Variants in CAMK1G observed in about 807,000 individuals in gnomAD.
CAMK1G encodes the protein calcium/calmodulin dependent protein kinase IG.
A neutral mutation model predicts 54.8 loss-of-function variants in CAMK1G; 27 were observed. The ratio of observed to expected loss-of-function variants is 0.49; its 90% CI spans 0.36 to 0.68. The LOEUF (loss-of-function observed/expected upper bound fraction) is 0.68. CAMK1G is among the 30% of genes least tolerant of loss of function. The pLI is 0.00. For missense variants in CAMK1G, 512 were observed against 591.0 expected (o/e 0.87, Z 1.39); for synonymous variants, 238 against 224.9 (o/e 1.06, Z -0.52).
At chr1:209,599,476 G>A (rs539930625) in intron 2 of CAMK1G, among the ~76,000 whole-genome samples, 1 of 152,314 alleles carries the variant, frequency 6.6e-6, no homozygotes, top group East Asian at 1.9e-4. Context: ...GATGTAGAAA[G>A]ATGATTCTTT....
intron 1 of CAMK1G, among the ~76,000 whole-genome samples, chr1:209,590,831 G>A (rs549533465): frequency 1.1e-4 from 16 of 152,296 alleles, no homozygotes; most frequent in Middle Eastern, 3.4e-3. Context: ...CTTACCAGCA[G>A]CAGTGTATCC....
At chr1:209,604,255 C>A (rs189130480) in intron 4 of CAMK1G, among the ~76,000 whole-genome samples, 1 of 152,278 alleles carries the variant, frequency 6.6e-6, no homozygotes, top group Admixed American at 6.5e-5. Context: ...GTGGAAAGGG[C>A]CCCTAGTGGC....
intron 2 of CAMK1G, among the ~76,000 whole-genome samples, chr1:209,597,966 G>A (rs1375467499): frequency 1.3e-5 from 2 of 152,154 alleles, no homozygotes; most frequent in African/African-American, 2.4e-5. Flanking sequence ...CATATATCAA[G>A]TCATTTAATC....
chr1:209,612,358 G>A (rs1665804851), intron 11 of CAMK1G, 142 bp downstream of exon 11: 9 of 861,762 alleles, frequency 1.0e-5, no homozygotes, highest in Admixed American at 2.8e-5. Context: ...GAGGGGGCAA[G>A]GAAAATGCTT....
At position 209,612,310 on chromosome 1, in the gene CAMK1G, C is replaced by T. The variant is rs886536050; in HGVS notation, c.1340+94C>T. On this transcript the variant is annotated intron_variant, in intron 11 of 12. Coordinates refer to ENST00000361322, the MANE Select transcript of CAMK1G (RefSeq NM_020439.3). ...GAAATGGACACAAAGGCCTCTCCCA[C>T]TCATAGGCAGCTATATAGGGAGGGA... The T allele has an allele frequency of 1.6e-5, 21 of 1,350,774 alleles. No individual in the cohort carries two copies. In the Middle Eastern group the frequency reaches 5.8e-4, roughly 37 times the overall value. The allele number at this position is 1,350,774 out of a possible 1,614,324, so 83.7% of individuals were successfully genotyped here.
rs1174663356 is a variant in CAMK1G, at chr1:209,605,614, G to T, written c.375G>T (p.Gln125His). ...AGAAGGATGCCAGTCTGGTGATCCAGCAGGTCTTGTCGGCAGTGAAATACC... is the reference window on the plus strand; with the variant it reads ...AGAAGGATGCCAGTCTGGTGATCCATCAGGTCTTGTCGGCAGTGAAATACC... ...YTEKDASLVI[Q>H]QVLSAVKYLH... Residue 125 changes from glutamine (Q) to histidine (H), a missense_variant, in exon 5 of 13, where the codon CAG becomes CAT. This residue lies in a region of CAMK1G where 186 missense variants were observed against 231.5 expected (regional missense o/e 0.80). Transcript: ENST00000361322. 1 of 1,614,166 alleles carries T rather than the reference G, an allele frequency of 6.2e-7. No individual in the cohort carries two copies. The highest frequency in any genetic ancestry group is 2.2e-5 in the East Asian group (1 of 44,878).
intron 9 of CAMK1G, among the ~76,000 whole-genome samples, 163 bp downstream of exon 9, chr1:209,610,092 A>C (rs1259364178): frequency 2.6e-5 from 4 of 152,186 alleles, no homozygotes; most frequent in Non-Finnish European, 5.9e-5. Context: ...GTAGAGATTC[A>C]AACATTATAC....
At chr1:209,584,838 A>C (rs57163675) in intron 1 of CAMK1G, among the ~76,000 whole-genome samples, 2,608 of 152,302 alleles carry the variant, frequency 0.017, 95 homozygotes, top group African/African-American at 0.06. Flanking sequence ...GCTTAACCAG[A>C]ACCAAAGATG....
At position 209,594,974 on chromosome 1, in the gene CAMK1G, T is replaced by C. The variant is rs1369882800; in HGVS notation, c.-10T>C. 3 of 1,613,208 alleles carry C rather than the reference T, an allele frequency of 1.9e-6. No homozygotes were observed. The highest frequency in any genetic ancestry group is 3.3e-5 in the Admixed American group (2 of 59,928). ...ATAAAGCATCCTCAGAAGCTTCAAC[T>C]CTGGAGGCAATGGGTCGAAAGGAAG... On this transcript the variant is annotated 5_prime_UTR_variant, in exon 2 of 13. Coordinates refer to ENST00000361322, the MANE Select transcript of CAMK1G (RefSeq NM_020439.3).
Position 209,610,366 on chromosome 1 carries a change from A to T in CAMK1G, c.827+437A>T, listed in dbSNP as rs1356233331. On this transcript the variant is annotated intron_variant, in intron 9 of 12. Coordinates refer to ENST00000361322, the MANE Select transcript of CAMK1G (RefSeq NM_020439.3). ...AAAATAGGAAAAAGAAAATCTTAAAATATTTTTTCATGTTACTTCCCAACT... is the reference window on the plus strand; with the variant it reads ...AAAATAGGAAAAAGAAAATCTTAAATTATTTTTTCATGTTACTTCCCAACT... Among the ~76,000 whole-genome samples, 4 of 152,188 alleles carry T rather than the reference A, an allele frequency of 2.6e-5. No individual in the cohort carries two copies. In the East Asian group the frequency reaches 7.7e-4, roughly 29 times the overall value.
intron 4 of CAMK1G, among the ~76,000 whole-genome samples, chr1:209,605,099 A>G (rs1665615517): frequency 6.6e-6 from 1 of 152,128 alleles, no homozygotes; most frequent in Admixed American, 6.5e-5. Flanking sequence ...GAGAAGAGAA[A>G]TCTTGATATA....
At chr1:209,612,967 C>T in intron 12 of CAMK1G, 55 bp downstream of exon 12, 1 of 937,924 alleles carries the variant, frequency 1.1e-6, no homozygotes, top group South Asian at 1.3e-5. Context: ...AGAGGAGAGC[C>T]CCATGCCAGA....
chr1:209,598,784 A>G (rs528132548), intron 2 of CAMK1G, among the ~76,000 whole-genome samples: 1 of 152,290 alleles, frequency 6.6e-6, no homozygotes, highest in South Asian at 2.1e-4. Context: ...GTTGGAAATA[A>G]TTTCAAACTT....
chr1:209,589,401 A>T (rs1464936648), intron 1 of CAMK1G, among the ~76,000 whole-genome samples: 1 of 152,182 alleles, frequency 6.6e-6, no homozygotes, highest in African/African-American at 2.4e-5. Context: ...CTGCTGTGCC[A>T]TGGGCAGAGC....
Position 209,596,543 on chromosome 1 carries a change from A to G in CAMK1G, c.92+1468A>G, listed in dbSNP as rs78781480. Among the ~76,000 whole-genome samples, 490 of 152,248 alleles carry G rather than the reference A, an allele frequency of 3.2e-3. 3 individuals carry two copies. The highest frequency in any genetic ancestry group is 0.011 in the African/African-American group (459 of 41,534). ...ATGCCTCCAACTTTTAACTGTGAAA[A>G]TGTTGAAACATAAGGAAAAGGTGAA... On this transcript the variant is annotated intron_variant, in intron 2 of 12. Coordinates refer to ENST00000361322, the MANE Select transcript of CAMK1G (RefSeq NM_020439.3).
chr1:209,592,778 C>G (rs944056781), intron 1 of CAMK1G, among the ~76,000 whole-genome samples: 9 of 152,230 alleles, frequency 5.9e-5, no homozygotes, highest in Admixed American at 5.2e-4. Flanking sequence ...TCCTCTTCCC[C>G]TCTGCCAAGA....
intron 9 of CAMK1G, 121 bp downstream of exon 9, chr1:209,610,050 G>A (rs1429851203): frequency 3.7e-6 from 3 of 808,604 alleles, no homozygotes; most frequent in Non-Finnish European, 6.4e-6. Flanking sequence ...GATGTGACAA[G>A]CAAGGACCAT....
intron 9 of CAMK1G, 58 bp downstream of exon 9, chr1:209,609,987 T>A: frequency 7.4e-7 from 1 of 1,350,846 alleles, no homozygotes; most frequent in East Asian, 2.3e-5. Flanking sequence ...AAAACCATGC[T>A]GACTCATTCA....
intron 1 of CAMK1G, among the ~76,000 whole-genome samples, chr1:209,587,768 A>G (rs1287096132): frequency 1.3e-5 from 2 of 152,134 alleles, no homozygotes; most frequent in Admixed American, 6.5e-5. Context: ...TGGATGATAT[A>G]AAGTCCAATA....
Sources: gnomAD v4.1 joint callset for allele counts (sites outside exome capture counted in the v4.1 genomes callset) on GRCh38, gnomAD v4.1.1 for gene constraint, gnomAD v4.1.1 regional missense constraint, MANE v1.5 for transcripts, NCBI Gene and HGNC (gene_info 2026-07-23, HGNC 2026-07-21) for gene names.